The following LCORL variants were observed in gnomAD, a reference collection of about 807,000 sequenced individuals.
LCORL encodes the protein ligand-dependent nuclear receptor corepressor-like protein.
Under a neutral mutation model 141.8 loss-of-function variants are expected in LCORL, and 41 were observed. That is an observed-to-expected ratio of 0.29 (90% CI 0.23 to 0.38). The LOEUF (loss-of-function observed/expected upper bound fraction) is 0.38, where lower values mean the gene tolerates loss of function less well. Among genes scored for constraint, LCORL ranks in the 10% least tolerant of loss-of-function variants. The probability of loss-of-function intolerance (pLI) is 1.00; values close to 1 mark genes in which losing one functional copy is unlikely to be tolerated. For missense variants in LCORL, 1,759 were observed against 2,035.0 expected, an observed-to-expected ratio of 0.86 and a Z score of 2.61; for synonymous variants, 618 against 694.1, an observed-to-expected ratio of 0.89 and a Z score of 1.72.
chr4:17,940,569 T>A (rs537321083), intron 4 of LCORL, among the ~76,000 whole-genome samples: 1 of 148,760 alleles, frequency 6.7e-6, no homozygotes, highest in African/African-American at 2.5e-5. Context: ...GTAAGTCCAA[T>A]GTCTACCATA....
chr4:17,905,668 A>T (rs913803868), intron 5 of LCORL, among the ~76,000 whole-genome samples: 1 of 152,108 alleles, frequency 6.6e-6, no homozygotes, highest in Non-Finnish European at 1.5e-5. Context: ...CTTATGGTTT[A>T]TACTATCCAT....
intron 4 of LCORL, among the ~76,000 whole-genome samples, chr4:17,910,347 G>A (rs1283444829): frequency 2.0e-5 from 3 of 152,092 alleles, no homozygotes; most frequent in African/African-American, 7.2e-5. Context: ...TAAGGTGATT[G>A]GTAAATTGGG....
Position 17,884,143 on chromosome 4 carries a change from G to T in LCORL, c.776+1925C>A. ...TTACAGGCCCAGAACATTCTATTTT[G>T]TTCTGTTTAGGGAGTATATTTTTCA... On this transcript the variant is annotated intron_variant, in intron 6 of 7. Coordinates refer to ENST00000635767, the Ensembl canonical transcript of LCORL. The surrounding 1 kb of genome is among the most constrained non-coding windows in gnomAD (Gnocchi z 4.4). 1 of 1,550,622 alleles carries T rather than the reference G, an allele frequency of 6.4e-7. No individual in the cohort carries two copies. The highest frequency in any genetic ancestry group is 8.7e-7 in the Non-Finnish European group (1 of 1,146,278).
chr4:18,021,000 C>A (rs1374346538), intron 1 of LCORL, among the ~76,000 whole-genome samples: 2 of 152,236 alleles, frequency 1.3e-5, no homozygotes, highest in Non-Finnish European at 2.9e-5. Context: ...GGGCGCCCCC[C>A]GCCCCTCGGA....
chr4:18,002,304 CA>C (rs1399771021), intron 1 of LCORL, among the ~76,000 whole-genome samples: 4 of 151,794 alleles, frequency 2.6e-5, no homozygotes, highest in Admixed American at 2.0e-4. Context: ...CAGATACATC[CA>C]AGACATAAAC....
intron 1 of LCORL, among the ~76,000 whole-genome samples, chr4:18,007,299 A>T (rs1398627829): frequency 6.6e-6 from 1 of 152,208 alleles, no homozygotes; most frequent in Non-Finnish European, 1.5e-5. Context: ...TTCTAAGTAT[A>T]AGCACTTAAT....
intron 1 of LCORL, among the ~76,000 whole-genome samples, chr4:18,016,520 G>A: frequency 6.6e-6 from 1 of 152,102 alleles, no homozygotes; most frequent in East Asian, 1.9e-4. Context: ...GTACAGAACT[G>A]AACTATGCAA....
At chr4:17,978,859 A>C (rs1211837112) in intron 1 of LCORL, among the ~76,000 whole-genome samples, 1 of 152,082 alleles carries the variant, frequency 6.6e-6, no homozygotes, top group Admixed American at 6.5e-5. Flanking sequence ...TGCCCTCATA[A>C]ATTCCGGCCA....
At chr4:17,843,512 A>C in exon 8 of LCORL, 1 of 1,440,766 alleles carries the variant, frequency 6.9e-7, no homozygotes, top group Non-Finnish European at 9.5e-7. Context: ...AAATCAGAAC[A>C]AACCTGATGT....
intron 4 of LCORL, among the ~76,000 whole-genome samples, chr4:17,953,220 C>A (rs896946101): frequency 6.6e-6 from 1 of 152,110 alleles, no homozygotes; most frequent in Non-Finnish European, 1.5e-5. Context: ...TATGCATGGG[C>A]CTTTATGGCA....
intron 1 of LCORL, among the ~76,000 whole-genome samples, chr4:17,991,464 C>T (rs904220928): frequency 1.3e-5 from 2 of 152,184 alleles, no homozygotes; most frequent in African/African-American, 4.8e-5. Context: ...CTAGAGTCAA[C>T]TGAGTTCAGA....
At chr4:17,928,957 G>A (rs1735582738) in intron 4 of LCORL, among the ~76,000 whole-genome samples, 1 of 151,958 alleles carries the variant, frequency 6.6e-6, no homozygotes, top group African/African-American at 2.4e-5. Flanking sequence ...CAAGGTTACA[G>A]GATACCAAAT....
At chr4:17,911,971 G>GCCTCCTA (rs1366336810) in intron 4 of LCORL, 1 of 615,328 alleles carries the variant, frequency 1.6e-6, no homozygotes, top group African/African-American at 1.8e-5. Flanking sequence ...TGACTGCTTG[G>GCCTCCTA]CCTCCTACCT....
chr4:17,977,947 T>A (rs1717282659), intron 1 of LCORL, among the ~76,000 whole-genome samples: 1 of 152,324 alleles, frequency 6.6e-6, no homozygotes, highest in African/African-American at 2.4e-5. Context: ...CTGATCTTTT[T>A]TTTGTTTCTG....
At chr4:18,004,242 A>G (rs1316081071) in intron 1 of LCORL, among the ~76,000 whole-genome samples, 1 of 152,208 alleles carries the variant, frequency 6.6e-6, no homozygotes. Flanking sequence ...ATGTGAAAAC[A>G]TATTATTCAT....
At chr4:17,880,264 C>T (rs760743299) in intron 6 of LCORL, 1 of 192,778 alleles carries the variant, frequency 5.2e-6, no homozygotes, top group Non-Finnish European at 9.5e-6. Context: ...CAAACATTCT[C>T]CCCCATATTT....
intron 4 of LCORL, among the ~76,000 whole-genome samples, chr4:17,928,689 G>C (rs931845308): frequency 6.6e-6 from 1 of 152,124 alleles, no homozygotes; most frequent in African/African-American, 2.4e-5. Flanking sequence ...AACAAAACAA[G>C]GATATATGCT....
intron 4 of LCORL, among the ~76,000 whole-genome samples, chr4:17,955,535 G>A (rs4642247): frequency 0.24 from 36,121 of 151,990 alleles, 5,473 homozygotes; most frequent in African/African-American, 0.43. Flanking sequence ...ACAATAAACA[G>A]AATAAGTAGA....
At chr4:17,932,121 C>A (rs906673426) in intron 4 of LCORL, among the ~76,000 whole-genome samples, 1 of 152,112 alleles carries the variant, frequency 6.6e-6, no homozygotes. Context: ...GCCGTCCATA[C>A]TTTTTCTCAC....
Sources: gnomAD v4.1 joint callset for allele counts (sites outside exome capture counted in the v4.1 genomes callset) on GRCh38, gnomAD v4.1.1 for gene constraint, Gnocchi (gnomAD v3.1) non-coding constraint, MANE v1.5 for transcripts, NCBI Gene and HGNC (gene_info 2026-07-23, HGNC 2026-07-21) for gene names.